PCDHGA6: variants seen among roughly 807,000 people sequenced by gnomAD.
PCDHGA6 encodes protocadherin gamma-A6.
Under a neutral mutation model 60.6 loss-of-function variants are expected in PCDHGA6, and 41 were observed. That is an observed-to-expected ratio of 0.68 (90% CI 0.53 to 0.88). The LOEUF is 0.88. Ranked by LOEUF, PCDHGA6 falls within the 40% of genes least tolerant of loss-of-function variation. The pLI is 0.00. For missense variants in PCDHGA6, 1,312 were observed against 1,203.0 expected (o/e 1.09, Z -1.34); for synonymous variants, 594 against 524.4 (o/e 1.13, Z -1.81).
intron 1 of PCDHGA6, chr5:141,430,820 G>C (rs1194897001): frequency 6.5e-7 from 1 of 1,541,598 alleles, no homozygotes; most frequent in East Asian, 2.3e-5. Context: ...AATCCTCCTG[G>C]GGACTCTGTG....
chr5:141,403,247 A>T, intron 1 of PCDHGA6: 1 of 1,613,910 alleles, frequency 6.2e-7, no homozygotes, highest in Middle Eastern at 1.6e-4. Flanking sequence ...CTGTGCTCAG[A>T]GCCCGCGGTG....
intron 1 of PCDHGA6, chr5:141,423,421 G>A (rs772863950): frequency 1.2e-6 from 2 of 1,614,080 alleles, no homozygotes; most frequent in Non-Finnish European, 1.7e-6. Flanking sequence ...TTCTGAAGGC[G>A]GGTTGGCAGG....
intron 1 of PCDHGA6, chr5:141,415,652 A>AG: frequency 6.3e-7 from 1 of 1,590,778 alleles, no homozygotes; most frequent in African/African-American, 1.4e-5. Flanking sequence ...AAAAAAAAAA[A>AG]GATTGGTTTT....
At chr5:141,406,021 G>A (rs530576205) in intron 1 of PCDHGA6, among the ~76,000 whole-genome samples, 1 of 151,382 alleles carries the variant, frequency 6.6e-6, no homozygotes, top group East Asian at 1.9e-4. Context: ...GGCTTTTTGG[G>A]TAGGGTTGCT....
At chr5:141,462,122 C>A (rs1437400069) in intron 1 of PCDHGA6, among the ~76,000 whole-genome samples, 3 of 152,044 alleles carry the variant, frequency 2.0e-5, no homozygotes, top group Admixed American at 6.6e-5. Context: ...TGCACCCAGT[C>A]CAATTTTTTG....
intron 1 of PCDHGA6, chr5:141,383,689 G>T (rs773858539): frequency 1.9e-6 from 3 of 1,614,036 alleles, no homozygotes; most frequent in Non-Finnish European, 2.5e-6. Flanking sequence ...ACTGCTCACG[G>T]TACATGCTAT....
At chr5:141,381,826 C>CTTTTTTTTT (rs770630741) in intron 1 of PCDHGA6, among the ~76,000 whole-genome samples, 22 of 74,282 alleles carry the variant, frequency 3.0e-4, no homozygotes, top group African/African-American at 5.6e-4. Context: ...CTTTCTTCTT[C>CTTTTTTTTT]TTTTTTTTTT....
chr5:141,446,260 TA>T (rs1207497940), intron 1 of PCDHGA6, among the ~76,000 whole-genome samples: 4 of 152,130 alleles, frequency 2.6e-5, no homozygotes, highest in Non-Finnish European at 4.4e-5. Context: ...GAAATATTAT[TA>T]ACTGAATAAA....
At chr5:141,435,954 G>A (rs1163590812) in intron 1 of PCDHGA6, among the ~76,000 whole-genome samples, 2 of 152,092 alleles carry the variant, frequency 1.3e-5, no homozygotes, top group African/African-American at 2.4e-5. Flanking sequence ...AAAAAAGGGG[G>A]CAAAATATAG....
chr5:141,506,294 C>T (rs1165174121), intron 3 of PCDHGA6, among the ~76,000 whole-genome samples: 1 of 151,888 alleles, frequency 6.6e-6, no homozygotes, highest in African/African-American at 2.4e-5. Context: ...ACTAAAAATA[C>T]AAAAATTAGC....
rs560733170 is a variant in PCDHGA6, at chr5:141,503,895, A to G, written c.2484-1498A>G. ...TTGTGCTCACCCACCATGACAAAATATGCACACACACAACGCAACACACAC... is the reference window on the plus strand; with the variant it reads ...TTGTGCTCACCCACCATGACAAAATGTGCACACACACAACGCAACACACAC... On this transcript the variant is annotated intron_variant, in intron 2 of 3. Transcript: ENST00000517434. Among the ~76,000 whole-genome samples, 12 of 152,302 alleles carry G rather than the reference A, an allele frequency of 7.9e-5. No individual in the cohort carries two copies. The South Asian group carries it at 2.1e-3, about 26-fold the overall frequency.
rs61612330 is a variant in PCDHGA6 at position 141,454,796 on chromosome 5, A to ATTTTTTTTTTTTTTTTTTTTTTTTT, written c.2425-40006_2425-39982dup. ...AAGGAAATAATCCTCCATGGTTCTA[A>ATTTTTTTTTTTTTTTTTTTTTTTTT]TTTTTTTTTTTTTTTTTTTTTTTTT... On this transcript the variant is annotated intron_variant, in intron 1 of 3. Coordinates refer to ENST00000517434, the MANE Select transcript of PCDHGA6 (RefSeq NM_018919.3). Among the ~76,000 whole-genome samples, 7 of 77,408 alleles carry ATTTTTTTTTTTTTTTTTTTTTTTTT rather than the reference A, an allele frequency of 9.0e-5. 1 individual carries two copies. Among genetic ancestry groups the ATTTTTTTTTTTTTTTTTTTTTTTTT allele is most frequent in the East Asian group, 4.0e-4 (1 of 2,514 alleles). 50.8% of individuals were successfully genotyped at this position (77,408 alleles called of 152,430 possible). A position where few individuals can be genotyped will look rare whatever the true frequency, so the allele number is the denominator to read the frequency against.
intron 1 of PCDHGA6, chr5:141,417,545 T>C: frequency 3.2e-6 from 1 of 312,052 alleles, no homozygotes; most frequent in East Asian, 5.5e-5. Context: ...AAAAAATTCC[T>C]TGAAAGAGGT....
intron 1 of PCDHGA6, among the ~76,000 whole-genome samples, chr5:141,434,854 A>G (rs2097723190): frequency 6.6e-6 from 1 of 151,936 alleles, no homozygotes; most frequent in Admixed American, 6.6e-5. Context: ...ACATCAATAA[A>G]TTTATATATA....
rs192411178 is a variant in PCDHGA6, at chr5:141,397,840, C to A, written c.2424+21333C>A. ...AATTACTGCACTGGTTAACTTGAAG[C>A]CGCAGAGGCTGTAGTTTCCTAGTGC... On this transcript the variant is annotated intron_variant, in intron 1 of 3. Transcript: ENST00000517434. 268 of 517,094 alleles carry A rather than the reference C, an allele frequency of 5.2e-4. 2 individuals carry two copies. Among genetic ancestry groups the A allele is most frequent in the African/African-American group, 4.6e-3 (241 of 51,950 alleles). The allele number at this position is 517,094 out of a possible 1,614,324, so 32.0% of individuals were successfully genotyped here. A position where few individuals can be genotyped will look rare whatever the true frequency, so the allele number is the denominator to read the frequency against.
intron 1 of PCDHGA6, chr5:141,385,224 T>C (rs751833387): frequency 1.2e-6 from 2 of 1,614,206 alleles, no homozygotes; most frequent in Non-Finnish European, 1.7e-6. Context: ...AGCCCAACTA[T>C]GTAGACATGC....
At chr5:141,446,061 AG>A (rs903957950) in intron 1 of PCDHGA6, among the ~76,000 whole-genome samples, 3 of 152,226 alleles carry the variant, frequency 2.0e-5, no homozygotes, top group African/African-American at 7.2e-5. Context: ...CTTGGATTAA[AG>A]GGGAGGCAGT....
chr5:141,393,861 A>G (rs1324870023), intron 1 of PCDHGA6: 11 of 1,613,904 alleles, frequency 6.8e-6, no homozygotes, highest in Non-Finnish European at 9.3e-6. Context: ...AGTGATCATT[A>G]CGTCTTTGTT....
At chr5:141,470,025 A>T (rs2099219670) in intron 1 of PCDHGA6, among the ~76,000 whole-genome samples, 1 of 152,156 alleles carries the variant, frequency 6.6e-6, no homozygotes, top group African/African-American at 2.4e-5. Context: ...GCTACTCGGG[A>T]TGCTGAGGCG....
Sources: gnomAD v4.1 joint callset for allele counts (sites outside exome capture counted in the v4.1 genomes callset) on GRCh38, gnomAD v4.1.1 for gene constraint, MANE v1.5 for transcripts, NCBI Gene and HGNC (gene_info 2026-07-23, HGNC 2026-07-21) for gene names.